The following CHN2 variants were observed in gnomAD, a reference collection of about 807,000 sequenced individuals.
CHN2 encodes chimerin 2.
Under a neutral mutation model 56.3 loss-of-function variants are expected in CHN2, and 35 were observed. The ratio of observed to expected loss-of-function variants is 0.62; its 90% CI spans 0.47 to 0.82. The LOEUF (loss-of-function observed/expected upper bound fraction) is 0.82, where lower values mean the gene tolerates loss of function less well. Ranked by LOEUF, CHN2 falls within the 40% of genes least tolerant of loss-of-function variation. The pLI is 0.00. For synonymous variants in CHN2, 210 were observed against 212.8 expected (o/e 0.99, Z 0.12); for missense variants, 491 against 580.5 (o/e 0.85, Z 1.58).
intron 10 of CHN2, among the ~76,000 whole-genome samples, chr7:29,506,528 T>C (rs1790585304): frequency 1.3e-5 from 2 of 152,076 alleles, no homozygotes; most frequent in African/African-American, 2.4e-5. Context: ...TCCCAGCTAC[T>C]CAGGAGGCTG....
chr7:29,216,820 A>C (rs763703313), intron 1 of CHN2, among the ~76,000 whole-genome samples: 1 of 152,226 alleles, frequency 6.6e-6, no homozygotes, highest in Non-Finnish European at 1.5e-5. Context: ...AACCGGCTAT[A>C]CTTATGAAAT....
intron 1 of CHN2, among the ~76,000 whole-genome samples, chr7:29,283,071 C>G (rs1210500987): frequency 6.6e-6 from 1 of 152,186 alleles, no homozygotes; most frequent in African/African-American, 2.4e-5. Context: ...GCTGTGTTAT[C>G]TGACCCCCTC....
intron 2 of CHN2, among the ~76,000 whole-genome samples, chr7:29,165,889 C>T (rs1276774755): frequency 6.6e-6 from 1 of 152,078 alleles, no homozygotes; most frequent in Non-Finnish European, 1.5e-5. Flanking sequence ...TGAGATAAAC[C>T]TTTTATTTGG....
chr7:29,218,835 G>A (rs1281776645), intron 1 of CHN2, among the ~76,000 whole-genome samples: 71 of 150,256 alleles, frequency 4.7e-4, no homozygotes, highest in Non-Finnish European at 8.1e-4. Context: ...GATAGCATTA[G>A]GAGATATACC....
intron 6 of CHN2, among the ~76,000 whole-genome samples, chr7:29,431,203 C>A (rs543836336): frequency 6.6e-6 from 1 of 152,146 alleles, no homozygotes; most frequent in Non-Finnish European, 1.5e-5. Context: ...CTCTGTTATG[C>A]CCCCTGACTT....
chr7:29,172,398 G>A (rs1285069260), intron 2 of CHN2, among the ~76,000 whole-genome samples: 1 of 152,084 alleles, frequency 6.6e-6, no homozygotes, highest in Non-Finnish European at 1.5e-5. Flanking sequence ...AGTGTCTAAA[G>A]TTTTCTTAAT....
In CHN2 at chr7:29,513,434, G is replaced by T. The variant is rs866570934; in HGVS notation, c.*699G>T. The T allele has an allele frequency of 6.6e-6, 1 of 152,560 alleles. No individual in the cohort carries two copies. The highest frequency in any genetic ancestry group is 2.1e-4 in the South Asian group (1 of 4,826). The allele number at this position is 152,560 out of a possible 1,614,324, so 9.5% of individuals were successfully genotyped here. A position where few individuals can be genotyped will look rare whatever the true frequency, so the allele number is the denominator to read the frequency against. On this transcript the variant is annotated 3_prime_UTR_variant, in exon 13 of 13. Transcript: ENST00000222792. ...ATGTATTTATAGCAATTGTAGGATG[G>T]TCTGAAATGTCCACACACTTTCTAT... is the stretch of plus-strand genomic sequence containing the variant.
chr7:29,283,820 T>C (rs947829051), intron 1 of CHN2, among the ~76,000 whole-genome samples: 1 of 151,430 alleles, frequency 6.6e-6, no homozygotes, highest in African/African-American at 2.4e-5. Context: ...GGTTTCCCTA[T>C]GTTAGCCAAG....
intron 6 of CHN2, among the ~76,000 whole-genome samples, chr7:29,417,399 G>A (rs560425958): frequency 2.1e-5 from 3 of 146,292 alleles, no homozygotes; most frequent in South Asian, 2.2e-4. Context: ...GCAGTGGCGC[G>A]ATCTCCGCTC....
chr7:29,407,597 G>C (rs961704810), intron 6 of CHN2, among the ~76,000 whole-genome samples: 1 of 152,150 alleles, frequency 6.6e-6, no homozygotes, highest in East Asian at 1.9e-4. Flanking sequence ...GGATTCAAGG[G>C]TAAATGAAGA....
chr7:29,451,787 G>A (rs702827), intron 6 of CHN2, among the ~76,000 whole-genome samples: 26,976 of 151,932 alleles, frequency 0.18, 2,586 homozygotes, highest in East Asian at 0.28. Flanking sequence ...TTAGCCCCCC[G>A]TCTTACAATT....
chr7:29,291,734 TG>T (rs1483740508), intron 1 of CHN2, among the ~76,000 whole-genome samples: 8 of 152,306 alleles, frequency 5.3e-5, no homozygotes, highest in East Asian at 3.9e-4. Context: ...ACATCCTTAA[TG>T]TTTTTTTTAA....
chr7:29,453,846 G>T (rs1011141917), intron 6 of CHN2, among the ~76,000 whole-genome samples: 6 of 152,144 alleles, frequency 3.9e-5, no homozygotes, highest in African/African-American at 1.4e-4. Flanking sequence ...TGTCACAGTT[G>T]ATTCCTCTAG....
At chr7:29,368,694 G>C (rs140655274) in intron 3 of CHN2, among the ~76,000 whole-genome samples, 1 of 152,084 alleles carries the variant, frequency 6.6e-6, no homozygotes, top group Non-Finnish European at 1.5e-5. Flanking sequence ...AGGGGGAAAG[G>C]CTCCAATTCC....
At chr7:29,317,771 C>G (rs1795062084) in intron 1 of CHN2, among the ~76,000 whole-genome samples, 1 of 152,060 alleles carries the variant, frequency 6.6e-6, no homozygotes, top group Non-Finnish European at 1.5e-5. Context: ...GGTGGATCAC[C>G]TGAGCTCAGG....
intron 9 of CHN2, among the ~76,000 whole-genome samples, chr7:29,502,118 C>T (rs1790036567): frequency 6.6e-6 from 1 of 152,192 alleles, no homozygotes; most frequent in Non-Finnish European, 1.5e-5. Flanking sequence ...ATACCTCCAC[C>T]TCCAAATCTG....
chr7:29,270,975 A>G (rs1317427220), intron 1 of CHN2, among the ~76,000 whole-genome samples: 2 of 152,180 alleles, frequency 1.3e-5, no homozygotes, highest in East Asian at 1.9e-4. Flanking sequence ...TGGGCTTTTG[A>G]TGTTCCTAGT....
intron 1 of CHN2, among the ~76,000 whole-genome samples, chr7:29,256,860 C>G (rs1789120690): frequency 6.6e-6 from 1 of 152,128 alleles, no homozygotes; most frequent in Admixed American, 6.5e-5. Context: ...CTCTGTTAAC[C>G]AAAGACCTTG....
At position 29,176,181 on chromosome 7, in the gene CHN2, G is replaced by A. The variant is rs10276051; in HGVS notation, c.274+29221G>A. ...AGCCTAGGCGACAGAGCAAGACTCCGTCTCAAGAAAAAAAAAACAGATAAA... is the reference window on the plus strand; with the variant it reads ...AGCCTAGGCGACAGAGCAAGACTCCATCTCAAGAAAAAAAAAACAGATAAA... On this transcript the variant is annotated intron_variant, in intron 2 of 6. Coordinates refer to the CHN2 transcript ENST00000439384. Among the ~76,000 whole-genome samples, 506 of 147,596 alleles carry A rather than the reference G, an allele frequency of 3.4e-3. 3 individuals carry two copies. The highest frequency in any genetic ancestry group is 0.012 in the African/African-American group (469 of 39,100).
Sources: allele counts gnomAD v4.1 joint callset (sites outside exome capture counted in the v4.1 genomes callset), GRCh38; gene constraint gnomAD v4.1.1; transcripts MANE v1.5; gene names NCBI Gene and HGNC (gene_info 2026-07-23, HGNC 2026-07-21).